Variants in AIG1 observed in about 807,000 individuals in gnomAD.
AIG1 encodes androgen-induced gene 1 protein.
A neutral mutation model predicts 31.4 loss-of-function variants in AIG1; 23 were observed. The ratio of observed to expected loss-of-function variants is 0.73; its 90% CI spans 0.53 to 1.04. The LOEUF is 1.04. Ranked by LOEUF, AIG1 falls within the 50% of genes least tolerant of loss-of-function variation. The probability of loss-of-function intolerance (pLI) is 0.00; values close to 1 mark genes in which losing one functional copy is unlikely to be tolerated. For synonymous variants in AIG1, 100 were observed against 110.5 expected, an observed-to-expected ratio of 0.90 and a Z score of 0.60; for missense variants, 274 against 295.0, an observed-to-expected ratio of 0.93 and a Z score of 0.52.
At chr6:143,301,955 G>C (rs1033697888) in intron 4 of AIG1, among the ~76,000 whole-genome samples, 1 of 152,076 alleles carries the variant, frequency 6.6e-6, no homozygotes, top group Non-Finnish European at 1.5e-5. Context: ...GCAGCTGTCC[G>C]CTAAGCTGGA....
chr6:143,197,362 C>A (rs1172592327), intron 3 of AIG1, among the ~76,000 whole-genome samples: 1 of 152,006 alleles, frequency 6.6e-6, no homozygotes, highest in East Asian at 1.9e-4. Context: ...AAATTTGTTT[C>A]TTGTATCATA....
chr6:143,176,032 GGAGGGGGCTTCCTGAGAATC>G (rs1456520723), intron 3 of AIG1, among the ~76,000 whole-genome samples: 1 of 152,190 alleles, frequency 6.6e-6, no homozygotes, highest in Non-Finnish European at 1.5e-5. Context: ...CTTCCCCTAA[GGAGGGGGCTTCCTGAGAATC>G]GAACTGCAGT....
In AIG1 at chr6:143,165,095, T is replaced by A. The variant is rs1159594270; in HGVS notation, c.311T>A (p.Val104Glu). 2.5e-6 allele frequency: 4 copies of A among 1,611,906 alleles called. No homozygotes were observed. The highest frequency in any genetic ancestry group is 3.4e-6 in the Non-Finnish European group (4 of 1,178,338). ...AFPVGVFVVA[V>E]FWIIYAYDRE... ...TTTTCCTTCCAGTTTGTTGTAGCAG[T>A]GTTCTGGATCATTTATGCCTATGAC... The change falls in exon 3 of 6, where the codon GTG becomes GAG. Residue 104 changes from valine to glutamate, a missense_variant. Coordinates refer to ENST00000357847, the MANE Select transcript of AIG1 (RefSeq NM_016108.4).
chr6:143,308,198 G>A (rs978338705), intron 4 of AIG1, among the ~76,000 whole-genome samples: 15 of 152,282 alleles, frequency 9.9e-5, no homozygotes, highest in African/African-American at 2.4e-4. Context: ...GCTCGCGCAC[G>A]GTGCGCTGCA....
intron 2 of AIG1, among the ~76,000 whole-genome samples, chr6:143,142,335 A>T (rs1316456963): frequency 6.6e-6 from 1 of 152,212 alleles, no homozygotes; most frequent in African/African-American, 2.4e-5. Flanking sequence ...CAGCCTCCTG[A>T]GTATCCAGAT....
intron 3 of AIG1, chr6:143,187,820 G>A (rs953307535): frequency 1.6e-5 from 23 of 1,476,026 alleles, no homozygotes; most frequent in African/African-American, 4.2e-5. Flanking sequence ...GATGAAATAC[G>A]GGCCTTCAAG....
intron 1 of AIG1, among the ~76,000 whole-genome samples, chr6:143,101,906 G>A (rs1780315343): frequency 6.6e-6 from 1 of 152,118 alleles, no homozygotes; most frequent in African/African-American, 2.4e-5. Context: ...TAATGCCCAA[G>A]TTTCCCTTTA....
intron 1 of AIG1, among the ~76,000 whole-genome samples, chr6:143,103,300 A>T (rs1001311481): frequency 3.9e-5 from 6 of 152,068 alleles, no homozygotes; most frequent in African/African-American, 1.4e-4. Flanking sequence ...ACCCCTTCCA[A>T]TTATTGTTGG....
rs1798159906 is a variant in AIG1 at position 143,292,998 on chromosome 6, G to C, written c.515+8773G>C. ...CTTGTTTAGTTCCCGTCTTCCTCGG[G>C]TCTTTGAGCAAATTACTTATCCTCT... is the stretch of plus-strand genomic sequence containing the variant. On this transcript the variant is annotated intron_variant, in intron 4 of 5. Transcript: ENST00000357847. The surrounding 1 kb of genome is among the most constrained non-coding windows in gnomAD (Gnocchi z 4.9). 6.6e-6 allele frequency among the ~76,000 whole-genome samples: 1 copy of C among 152,070 alleles called. No individual in the cohort carries two copies.
At chr6:143,090,785 G>A (rs7764892) in intron 1 of AIG1, among the ~76,000 whole-genome samples, 9,385 of 152,232 alleles carry the variant, frequency 0.062, 682 homozygotes, top group East Asian at 0.37. Context: ...TGATCTGGGT[G>A]GTGGTTGCTG....
chr6:143,064,354 G>A (rs1168841886), intron 1 of AIG1, among the ~76,000 whole-genome samples: 1 of 152,200 alleles, frequency 6.6e-6, no homozygotes, highest in Non-Finnish European at 1.5e-5. Context: ...ACAATGCTGG[G>A]TTTGAAGATG....
At chr6:143,154,793 A>G (rs150544386) in intron 2 of AIG1, among the ~76,000 whole-genome samples, 1 of 152,268 alleles carries the variant, frequency 6.6e-6, no homozygotes, top group African/African-American at 2.4e-5. Flanking sequence ...TTATCTTCCA[A>G]TTTATGAGTC....
chr6:143,179,277 C>T (rs1450317133), intron 3 of AIG1, among the ~76,000 whole-genome samples: 2 of 152,172 alleles, frequency 1.3e-5, no homozygotes, highest in Non-Finnish European at 2.9e-5. Context: ...TAAACATTTA[C>T]AGTATACAGT....
chr6:143,286,350 C>T (rs1193152133), intron 4 of AIG1, among the ~76,000 whole-genome samples: 1 of 152,094 alleles, frequency 6.6e-6, no homozygotes, highest in Non-Finnish European at 1.5e-5. Context: ...TCTGCGTACT[C>T]CCTAAGCAAA....
At chr6:143,265,075 C>T (rs865798822) in intron 3 of AIG1, among the ~76,000 whole-genome samples, 1 of 152,142 alleles carries the variant, frequency 6.6e-6, no homozygotes, top group Non-Finnish European at 1.5e-5. Context: ...GTTGAGAAAT[C>T]GGAGAGTCTT....
chr6:143,168,249 TC>T (rs1372237500), intron 3 of AIG1, among the ~76,000 whole-genome samples: 3 of 152,246 alleles, frequency 2.0e-5, no homozygotes, highest in South Asian at 4.1e-4. Context: ...ATTCCAAATT[TC>T]TTTTTTTTTA....
chr6:143,185,838 A>G (rs1286719413), intron 3 of AIG1, among the ~76,000 whole-genome samples: 2 of 152,132 alleles, frequency 1.3e-5, no homozygotes, highest in African/African-American at 4.8e-5. Context: ...GTCTAGTAAC[A>G]CTTTCTGGAA....
intron 4 of AIG1, among the ~76,000 whole-genome samples, chr6:143,290,924 C>T (rs912723506): frequency 1.1e-4 from 17 of 152,230 alleles, no homozygotes; most frequent in East Asian, 1.9e-4. Flanking sequence ...TCACTATGCC[C>T]GTCTTCCCCA....
chr6:143,277,463 C>T (rs1473151300), intron 3 of AIG1, among the ~76,000 whole-genome samples: 1 of 152,194 alleles, frequency 6.6e-6, no homozygotes, highest in Non-Finnish European at 1.5e-5. Flanking sequence ...CAAAGATATG[C>T]ACGTTGCAAA....
Sources: gnomAD v4.1 joint callset for allele counts (sites outside exome capture counted in the v4.1 genomes callset) on GRCh38, gnomAD v4.1.1 for gene constraint, Gnocchi (gnomAD v3.1) non-coding constraint, MANE v1.5 for transcripts, NCBI Gene and HGNC (gene_info 2026-07-23, HGNC 2026-07-21) for gene names.